LPP: variants seen among roughly 807,000 people sequenced by gnomAD.
The protein encoded by LPP is LIM domain containing preferred translocation partner in lipoma.
A neutral mutation model predicts 60.4 loss-of-function variants in LPP; 38 were observed. The ratio of observed to expected loss-of-function variants is 0.63; its 90% CI spans 0.49 to 0.83. The LOEUF (loss-of-function observed/expected upper bound fraction) is 0.83, where lower values mean the gene tolerates loss of function less well. Ranked by LOEUF, LPP falls within the 40% of genes least tolerant of loss-of-function variation. LPP has a pLI of 0.00. For synonymous variants in LPP, 328 were observed against 290.8 expected, an observed-to-expected ratio of 1.13 and a Z score of -1.30; for missense variants, 902 against 783.6, an observed-to-expected ratio of 1.15 and a Z score of -1.80.
chr3:188,691,005 CT>C (rs1261785625), intron 7 of LPP, among the ~76,000 whole-genome samples: 1 of 152,054 alleles, frequency 6.6e-6, no homozygotes, highest in African/African-American at 2.4e-5. Flanking sequence ...ATATTTTTCC[CT>C]AGAGAGAAAC....
intron 7 of LPP, among the ~76,000 whole-genome samples, chr3:188,667,149 C>G (rs891686451): frequency 3.9e-5 from 6 of 152,140 alleles, no homozygotes; most frequent in African/African-American, 1.4e-4. Context: ...GAAATAGTCT[C>G]AGGCACAAGG....
intron 6 of LPP, among the ~76,000 whole-genome samples, chr3:188,555,628 A>G (rs895693230): frequency 2.6e-5 from 4 of 152,114 alleles, no homozygotes; most frequent in African/African-American, 9.7e-5. Flanking sequence ...AGCAAGGAGA[A>G]GAATGGAATT....
At chr3:188,679,519 CTGTGTGTGTGTGTGTGTGTGTGTGTG>C (rs56733573) in intron 7 of LPP, among the ~76,000 whole-genome samples, 9 of 143,204 alleles carry the variant, frequency 6.3e-5, no homozygotes, top group African/African-American at 2.3e-4. Context: ...TTTGAATACT[CTGTGTGTGTGTGTGTGTGTGTGTGTG>C]TGTGTGTGTG....
At chr3:188,616,815 A>G (rs554705108) in intron 7 of LPP, among the ~76,000 whole-genome samples, 5 of 152,188 alleles carry the variant, frequency 3.3e-5, no homozygotes, top group African/African-American at 1.2e-4. Context: ...ATTTTGGTAA[A>G]CTTGTCCTTA....
intron 9 of LPP, among the ~76,000 whole-genome samples, chr3:188,833,757 C>A (rs1385908984): frequency 6.6e-6 from 1 of 152,098 alleles, no homozygotes; most frequent in African/African-American, 2.4e-5. Flanking sequence ...TTAAATTAAT[C>A]CCCAAGAGCC....
chr3:188,846,636 A>G (rs1016917021), intron 9 of LPP, among the ~76,000 whole-genome samples: 2 of 145,444 alleles, frequency 1.4e-5, no homozygotes, highest in African/African-American at 2.6e-5. Flanking sequence ...GTGAGCCAAG[A>G]TTGCACCACT....
intron 9 of LPP, among the ~76,000 whole-genome samples, chr3:188,865,193 A>C (rs969645602): frequency 1.3e-5 from 2 of 152,216 alleles, no homozygotes; most frequent in Non-Finnish European, 2.9e-5. Context: ...AGAGCATGGA[A>C]TTAAAGGGCA....
chr3:188,190,749 C>A (rs1237412751), intron 1 of LPP, among the ~76,000 whole-genome samples: 2 of 152,152 alleles, frequency 1.3e-5, no homozygotes, highest in Admixed American at 1.3e-4. Context: ...TCTGAGGAAA[C>A]CAACAGCTCT....
At chr3:188,279,903 G>C (rs1425647877) in intron 2 of LPP, among the ~76,000 whole-genome samples, 1 of 152,086 alleles carries the variant, frequency 6.6e-6, no homozygotes, top group Non-Finnish European at 1.5e-5. Flanking sequence ...CCTGGTGACC[G>C]AATCATTTTT....
rs539554984 is a variant in LPP, at chr3:188,381,277, T to C, written c.-9-24835T>C. On this transcript the variant is annotated intron_variant, in intron 3 of 11. Coordinates refer to ENST00000617246, the MANE Select transcript of LPP (RefSeq NM_001375462.1). ...CCTTTTTGACCTTTACTTCTGCTAT[T>C]GATTTTCATCTTTTCTCTTTTCTCC... Among the ~76,000 whole-genome samples, 15 of 152,364 alleles carry C rather than the reference T, an allele frequency of 9.8e-5. 3 individuals carry two copies. The highest frequency in any genetic ancestry group is 8.3e-4 in the South Asian group (4 of 4,830).
intron 7 of LPP, among the ~76,000 whole-genome samples, chr3:188,706,496 T>G (rs1214648934): frequency 6.6e-6 from 1 of 152,230 alleles, no homozygotes; most frequent in Non-Finnish European, 1.5e-5. Flanking sequence ...TCTGTATATT[T>G]TGGGAAACCA....
In LPP at chr3:188,382,567, ATGTT is replaced by A. The variant is rs575552686; in HGVS notation, c.-9-23535_-9-23532del. The stretch of plus-strand genomic sequence containing the variant: ...TTCTACATTTACATGTGTAATTATG[ATGTT>A]TGTTTGTTTTTTCCCACTCTCTGGG... On this transcript the variant is annotated intron_variant, in intron 3 of 11. Transcript: ENST00000617246. 4.2e-3 allele frequency among the ~76,000 whole-genome samples: 641 copies of A among 152,236 alleles called. 3 individuals are homozygous for A. The highest frequency in any genetic ancestry group is 0.014 in the African/African-American group (596 of 41,530).
At chr3:188,618,500 A>G (rs527576448) in intron 7 of LPP, among the ~76,000 whole-genome samples, 19 of 152,168 alleles carry the variant, frequency 1.2e-4, no homozygotes, top group Admixed American at 7.9e-4. Flanking sequence ...CTGCCAGCCC[A>G]GTGTTCTTTC....
At chr3:188,667,490 C>A (rs377121520) in intron 7 of LPP, among the ~76,000 whole-genome samples, 142 of 142,432 alleles carry the variant, frequency 1.0e-3, no homozygotes, top group African/African-American at 3.4e-3. Flanking sequence ...AAAAAAAAAA[C>A]ATCTTTGGTA....
intron 6 of LPP, among the ~76,000 whole-genome samples, chr3:188,592,802 A>G (rs1315018820): frequency 2.0e-5 from 3 of 152,002 alleles, no homozygotes; most frequent in East Asian, 3.9e-4. Flanking sequence ...GGCCTCCCAA[A>G]GCGCTGGTAT....
At chr3:188,344,904 C>T (rs1173591122) in intron 3 of LPP, among the ~76,000 whole-genome samples, 1 of 152,186 alleles carries the variant, frequency 6.6e-6, no homozygotes, top group African/African-American at 2.4e-5. Context: ...TAAACTTCCC[C>T]CCTATTAAGA....
intron 7 of LPP, among the ~76,000 whole-genome samples, chr3:188,657,192 C>T (rs114319999): frequency 7.1e-6 from 1 of 140,108 alleles, no homozygotes; most frequent in African/African-American, 2.6e-5. Context: ...TTTCCTCTTT[C>T]CCCTCGAGCA....
At chr3:188,636,345 C>T (rs550963274) in intron 7 of LPP, among the ~76,000 whole-genome samples, 16 of 152,258 alleles carry the variant, frequency 1.1e-4, no homozygotes, top group South Asian at 2.1e-4. Context: ...TGCGCTTTTC[C>T]GACGGGCTTA....
At chr3:188,374,797 G>C (rs1275885635) in intron 3 of LPP, among the ~76,000 whole-genome samples, 2 of 152,156 alleles carry the variant, frequency 1.3e-5, no homozygotes, top group African/African-American at 4.8e-5. Context: ...TTTTCAAAGG[G>C]AATGCTTCCA....
Sources: gnomAD v4.1 joint callset for allele counts (sites outside exome capture counted in the v4.1 genomes callset) on GRCh38, gnomAD v4.1.1 for gene constraint, MANE v1.5 for transcripts, NCBI Gene and HGNC (gene_info 2026-07-23, HGNC 2026-07-21) for gene names.